ANKFY1: variants seen among roughly 807,000 people sequenced by gnomAD.
ANKFY1 encodes ankyrin repeat and FYVE domain containing 1.
A neutral mutation model predicts 128.3 loss-of-function variants in ANKFY1; 47 were observed. That is an observed-to-expected ratio of 0.37 (90% CI 0.29 to 0.47). The LOEUF (loss-of-function observed/expected upper bound fraction) is 0.47. ANKFY1 is among the 20% of genes least tolerant of loss of function. ANKFY1 has a pLI of 1.00. For missense variants in ANKFY1, 1,222 were observed against 1,510.6 expected, an observed-to-expected ratio of 0.81 and a Z score of 3.17; for synonymous variants, 553 against 601.6, an observed-to-expected ratio of 0.92 and a Z score of 1.18.
At chr17:4,176,413 ACCT>A (rs1404163818) in intron 19 of ANKFY1, among the ~76,000 whole-genome samples, 1 of 152,096 alleles carries the variant, frequency 6.6e-6, no homozygotes, top group Non-Finnish European at 1.5e-5. Flanking sequence ...TCAGCTCTGG[ACCT>A]TGTTCTCTCA....
intron 1 of ANKFY1, among the ~76,000 whole-genome samples, chr17:4,261,586 GTGTT>G (rs1968419467): frequency 6.6e-6 from 1 of 152,244 alleles, no homozygotes; most frequent in South Asian, 2.1e-4. Context: ...TCTTCTTCGT[GTGTT>G]TATGGAGAGA....
rs1424204942 is a variant in ANKFY1 at position 4,164,024 on chromosome 17, C to T, written c.*3755G>A. ...AAACAATGCTGATAAGCGCCGTGGT[C>T]CTCTATGATACCATCACCCCACACT... On this transcript the variant is annotated 3_prime_UTR_variant, in exon 25 of 25. Transcript: ENST00000341657. The T allele has an allele frequency of 6.5e-6, 1 of 152,682 alleles. No homozygotes were observed. Among genetic ancestry groups the T allele is most frequent in the Non-Finnish European group, 1.5e-5 (1 of 68,050 alleles). The allele number at this position is 152,682 out of a possible 1,614,324, so 9.5% of individuals were successfully genotyped here.
At chr17:4,194,815 T>A (rs2059787002) in intron 10 of ANKFY1, 163 bp downstream of exon 10, 4 of 686,062 alleles carry the variant, frequency 5.8e-6, no homozygotes, top group Non-Finnish European at 9.8e-6. Context: ...ACAGGATTTT[T>A]AAAAATGACA....
Position 4,167,833 on chromosome 17 carries a change from A to G in ANKFY1, c.3456T>C (p.Pro1152=), listed in dbSNP as rs2059237707. ...IPIIKFDLNK[P]VRVCNICFDV... The stretch of plus-strand genomic sequence containing the variant: ...CAAAACAAATGTTGCAAACCCGCAC[A>G]GGCTTGTTCAGATCAAACTTTATAA... The change falls in exon 25 of 25, where the codon CCT becomes CCC. Residue 1152 remains proline, a synonymous_variant. Transcript: ENST00000341657. The surrounding 1 kb of genome is among the most constrained non-coding windows in gnomAD (Gnocchi z 4.1). 1 of 1,613,868 alleles carries G rather than the reference A, an allele frequency of 6.2e-7. No individual in the cohort carries two copies. The highest frequency in any genetic ancestry group is 8.5e-7 in the Non-Finnish European group (1 of 1,179,858).
chr17:4,227,979 A>G (rs1288100690), intron 3 of ANKFY1, among the ~76,000 whole-genome samples: 2 of 152,220 alleles, frequency 1.3e-5, no homozygotes, highest in Non-Finnish European at 2.9e-5. Flanking sequence ...AACATTAAAC[A>G]GTCCCTCCTA....
intron 1 of ANKFY1, among the ~76,000 whole-genome samples, chr17:4,257,884 T>C (rs974712188): frequency 6.6e-6 from 1 of 152,246 alleles, no homozygotes; most frequent in Non-Finnish European, 1.5e-5. Flanking sequence ...CAACAGGAGA[T>C]TCTGGGGACA....
chr17:4,203,304 T>C (rs2059965776), intron 7 of ANKFY1, among the ~76,000 whole-genome samples: 2 of 152,216 alleles, frequency 1.3e-5, no homozygotes, highest in African/African-American at 2.4e-5. Flanking sequence ...AAATGAGGCA[T>C]GACTATTGAC....
intron 6 of ANKFY1, among the ~76,000 whole-genome samples, chr17:4,207,723 G>C (rs1469161928): frequency 6.6e-6 from 1 of 152,134 alleles, no homozygotes; most frequent in South Asian, 2.1e-4. Context: ...CATTTAAGAG[G>C]TTTTTAAATT....
Position 4,223,115 on chromosome 17 carries a change from A to G in ANKFY1, c.323-5997T>C, listed in dbSNP as rs1598104309. ...AAGATCCAAATAAAGAAAAACAAGC[A>G]TTGGTCGAAACAAAGATCAAGCTTC... On this transcript the variant is annotated intron_variant, in intron 3 of 24. Coordinates refer to ENST00000341657, the MANE Select transcript of ANKFY1 (RefSeq NM_001330063.2). The G allele has an allele frequency of 8.1e-6, 6 of 744,354 alleles. No individual in the cohort carries two copies. The East Asian group carries it at 1.3e-4, about 16-fold the overall frequency. The allele number at this position is 744,354 out of a possible 1,614,324, so 46.1% of individuals were successfully genotyped here.
chr17:4,172,787 C>T (rs919615286), intron 21 of ANKFY1, 107 bp from the exon 22 acceptor site: 9 of 1,407,842 alleles, frequency 6.4e-6, no homozygotes, highest in African/African-American at 4.3e-5. Context: ...CTAAAAGACA[C>T]AAAACAAGTC....
At chr17:4,200,600 A>G (rs771014248) in intron 7 of ANKFY1, among the ~76,000 whole-genome samples, 6 of 152,188 alleles carry the variant, frequency 3.9e-5, no homozygotes, top group Non-Finnish European at 5.9e-5. Flanking sequence ...ACAACGTCCT[A>G]GAGTTTGATT....
Position 4,167,484 on chromosome 17 carries a change from T to G in ANKFY1, c.*295A>C, listed in dbSNP as rs966563782. On this transcript the variant is annotated 3_prime_UTR_variant, in exon 25 of 25. Transcript: ENST00000341657. The surrounding 1 kb of genome is among the most constrained non-coding windows in gnomAD (Gnocchi z 4.1). The stretch of plus-strand genomic sequence containing the variant: ...AAATGGTTTTCCAAGTGTCCCTGTA[T>G]GTTGCTAGCAGAATGGGGAGAGGTC... 1.2e-5 allele frequency: 3 copies of G among 248,242 alleles called. No individual in the cohort carries two copies. Among genetic ancestry groups the G allele is most frequent in the African/African-American group, 6.7e-5 (3 of 44,884 alleles). 15.4% of individuals were successfully genotyped at this position (248,242 alleles called of 1,614,324 possible). A position where few individuals can be genotyped will look rare whatever the true frequency, so the allele number is the denominator to read the frequency against.
At position 4,217,028 on chromosome 17, in the gene ANKFY1, A is replaced by C; in HGVS notation, c.413T>G (p.Leu138Arg). The stretch of plus-strand genomic sequence containing the variant: ...CTGAAACCGATTTGCTAGTTTCATC[A>C]GTTCAGTCAGGAACACATCATCCTC... ...FREDDVFLTE[L>R]MKLANRFQLQ... Residue 138 changes from leucine (L) to arginine (R), a missense_variant, in exon 4 of 25, where the codon CTG becomes CGG. Transcript: ENST00000341657. The C allele has an allele frequency of 6.2e-7, 1 of 1,614,230 alleles. No homozygotes were observed.
chr17:4,242,306 G>C lies in ANKFY1; in HGVS notation c.153C>G (p.Ile51Met), dbSNP rs1271608736. 10 of 1,594,468 alleles carry C rather than the reference G, an allele frequency of 6.3e-6. No individual in the cohort carries two copies. The highest frequency in any genetic ancestry group is 1.4e-5 in the African/African-American group (1 of 73,696). Residue 51 changes from isoleucine to methionine, a missense_variant, in exon 2 of 25, where the codon ATC becomes ATG. Transcript: ENST00000341657. ...CTGCCACGATGGCCAGCAGACGGCT[G>C]ATGAAGGACTCGCTGCTGCTCTCCT... ...ANKESSSESF[I>M]SRLLAIVADL...
chr17:4,241,224 T>G (rs1385454041), intron 2 of ANKFY1, among the ~76,000 whole-genome samples: 1 of 151,014 alleles, frequency 6.6e-6, no homozygotes. Flanking sequence ...TCATATAGAT[T>G]GAAGTCACAT....
rs1037048155 is a variant in ANKFY1 at position 4,164,297 on chromosome 17, G to C, written c.*3482C>G. On this transcript the variant is annotated 3_prime_UTR_variant, in exon 25 of 25. Coordinates refer to ENST00000341657, the MANE Select transcript of ANKFY1 (RefSeq NM_001330063.2). The stretch of plus-strand genomic sequence containing the variant: ...ATTTATGCCACACAAAAAAGGAATA[G>C]TACAGGCAATGATCTTCCAAAGAAA... The C allele has an allele frequency of 6.5e-6, 1 of 152,682 alleles. No homozygotes were observed. The highest frequency in any genetic ancestry group is 2.4e-5 in the African/African-American group (1 of 41,456). The allele number at this position is 152,682 out of a possible 1,614,324, so 9.5% of individuals were successfully genotyped here.
intron 22 of ANKFY1, among the ~76,000 whole-genome samples, chr17:4,171,990 TTA>T (rs1486050810): frequency 6.6e-6 from 1 of 152,126 alleles, no homozygotes; most frequent in Non-Finnish European, 1.5e-5. Flanking sequence ...ACTGCTTCCC[TTA>T]TGAGGCTGCC....
At chr17:4,176,678 C>A (rs1297890849) in intron 19 of ANKFY1, among the ~76,000 whole-genome samples, 1 of 152,236 alleles carries the variant, frequency 6.6e-6, no homozygotes, top group Non-Finnish European at 1.5e-5. Context: ...ATGGAAAAGG[C>A]TAAAATCCAG....
At chr17:4,180,760 CAAAAAAA>C (rs11392631) in intron 16 of ANKFY1, among the ~76,000 whole-genome samples, 5 of 58,026 alleles carry the variant, frequency 8.6e-5, no homozygotes, top group East Asian at 6.1e-4. Context: ...GACTCTGTCT[CAAAAAAA>C]AAAAAAAAAA....
Sources: gnomAD v4.1 joint callset for allele counts (sites outside exome capture counted in the v4.1 genomes callset) on GRCh38, gnomAD v4.1.1 for gene constraint, Gnocchi (gnomAD v3.1) non-coding constraint, MANE v1.5 for transcripts, NCBI Gene and HGNC (gene_info 2026-07-23, HGNC 2026-07-21) for gene names.